PTPRK: variants seen among roughly 807,000 people sequenced by gnomAD.
PTPRK encodes the protein receptor-type tyrosine-protein phosphatase kappa.
PTPRK carries 75 observed loss-of-function variants against 178.0 expected under a neutral mutation model. That is an observed-to-expected ratio of 0.42 (90% CI 0.35 to 0.51). The LOEUF is 0.51. PTPRK is among the 20% of genes least tolerant of loss of function. The probability of loss-of-function intolerance (pLI) is 0.02; values close to 1 mark genes in which losing one functional copy is unlikely to be tolerated. For synonymous variants in PTPRK, 637 were observed against 620.6 expected (o/e 1.03, Z -0.39); for missense variants, 1,441 against 1,797.8 (o/e 0.80, Z 3.59).
chr6:128,409,552 G>A (rs568491222), intron 1 of PTPRK, among the ~76,000 whole-genome samples: 3 of 152,206 alleles, frequency 2.0e-5, no homozygotes, highest in Non-Finnish European at 2.9e-5. Context: ...CTCATAGCCT[G>A]GCATTAGTAA....
chr6:128,225,279 C>T (rs1246743663), intron 5 of PTPRK, among the ~76,000 whole-genome samples: 1 of 152,004 alleles, frequency 6.6e-6, no homozygotes, highest in Non-Finnish European at 1.5e-5. Context: ...ATTCTCTCAT[C>T]TTCTTAAAAT....
intron 3 of PTPRK, among the ~76,000 whole-genome samples, chr6:128,280,202 C>T (rs1270068189): frequency 6.6e-6 from 1 of 152,128 alleles, no homozygotes; most frequent in Non-Finnish European, 1.5e-5. Context: ...CAGGACAGCA[C>T]TCATCAAGCT....
intron 1 of PTPRK, among the ~76,000 whole-genome samples, chr6:128,452,079 A>T (rs1847863642): frequency 6.6e-6 from 1 of 152,194 alleles, no homozygotes; most frequent in African/African-American, 2.4e-5. Context: ...TTCTAGAACT[A>T]TTTGAGGACC....
At chr6:128,341,894 C>T (rs1011168070) in intron 2 of PTPRK, among the ~76,000 whole-genome samples, 1 of 152,090 alleles carries the variant, frequency 6.6e-6, no homozygotes, top group Non-Finnish European at 1.5e-5. Context: ...TTTCTCTTTG[C>T]TATGTGGCCA....
chr6:128,361,268 G>T (rs1035314689), intron 2 of PTPRK, among the ~76,000 whole-genome samples: 14 of 152,052 alleles, frequency 9.2e-5, no homozygotes, highest in African/African-American at 3.1e-4. Flanking sequence ...CTCATTTTCA[G>T]TTTGTGCCCA....
intron 6 of PTPRK, among the ~76,000 whole-genome samples, chr6:128,200,554 T>G (rs1227530691): frequency 2.0e-5 from 3 of 151,748 alleles, no homozygotes. Context: ...GCAAGACTCC[T>G]GACTCTATGA....
intron 1 of PTPRK, among the ~76,000 whole-genome samples, chr6:128,497,666 A>G (rs147357778): frequency 1.8e-3 from 277 of 152,158 alleles, no homozygotes; most frequent in African/African-American, 6.2e-3. Flanking sequence ...TCATTCTTAT[A>G]CCTTCTTTCC....
intron 2 of PTPRK, among the ~76,000 whole-genome samples, chr6:128,382,063 G>T (rs1448222675): frequency 6.9e-6 from 1 of 144,968 alleles, no homozygotes; most frequent in African/African-American, 2.6e-5. Context: ...CACACCTGTA[G>T]TCCCACTTGC....
intron 6 of PTPRK, among the ~76,000 whole-genome samples, chr6:128,214,067 G>A (rs1294312431): frequency 6.6e-6 from 1 of 152,080 alleles, no homozygotes; most frequent in Non-Finnish European, 1.5e-5. Flanking sequence ...TTGATTTTGA[G>A]AAAAGTACTG....
intron 13 of PTPRK, among the ~76,000 whole-genome samples, chr6:128,043,506 A>C (rs1412242523): frequency 7.2e-6 from 1 of 138,568 alleles, no homozygotes; most frequent in Non-Finnish European, 1.6e-5. Context: ...TAATAACTTT[A>C]TAAGTTTAAA....
chr6:128,480,821 T>C (rs1851980416), intron 1 of PTPRK, among the ~76,000 whole-genome samples: 1 of 152,160 alleles, frequency 6.6e-6, no homozygotes, highest in Admixed American at 6.6e-5. Context: ...CAGCCACCCA[T>C]GGCCAAGGCC....
chr6:128,017,491 T>G lies in PTPRK; in HGVS notation c.2195-8223A>C, dbSNP rs9375545. On this transcript the variant is annotated intron_variant, in intron 13 of 29. Coordinates refer to ENST00000368226, the MANE Select transcript of PTPRK (RefSeq NM_002844.4). The stretch of plus-strand genomic sequence containing the variant: ...ATTGATCATGCTTTCATCTCAAAGA[T>G]AATTTACATCTCCTACCAGTAGCTA... Among the ~76,000 whole-genome samples the G allele has an allele frequency of 0.015, 2,349 of 151,726 alleles. 274 individuals carry two copies. The East Asian group carries it at 0.31, about 20-fold the overall frequency.
intron 11 of PTPRK, among the ~76,000 whole-genome samples, chr6:128,073,788 G>C (rs2114967160): frequency 6.6e-6 from 1 of 152,094 alleles, no homozygotes; most frequent in East Asian, 1.9e-4. Context: ...TAAAATTAAA[G>C]TAACATCTAT....
chr6:128,395,729 C>T (rs576281874), intron 2 of PTPRK, among the ~76,000 whole-genome samples: 75 of 152,022 alleles, frequency 4.9e-4, no homozygotes, highest in Non-Finnish European at 8.5e-4. Flanking sequence ...TTAAATGAGT[C>T]TGCTGACAAA....
At chr6:127,974,652 G>A (rs1241875509) in intron 27 of PTPRK, among the ~76,000 whole-genome samples, 2 of 152,084 alleles carry the variant, frequency 1.3e-5, no homozygotes, top group African/African-American at 4.8e-5. Context: ...ATCGCAAAGA[G>A]GTCATCTCTG....
intron 2 of PTPRK, among the ~76,000 whole-genome samples, chr6:128,383,064 T>C (rs1838171914): frequency 6.6e-6 from 1 of 152,202 alleles, no homozygotes; most frequent in African/African-American, 2.4e-5. Flanking sequence ...GACTTCAATT[T>C]TGAGTCAAAG....
Position 128,146,462 on chromosome 6 carries a change from T to G in PTPRK, c.1162+37970A>C, listed in dbSNP as rs540642431. On this transcript the variant is annotated intron_variant, in intron 7 of 29. Coordinates refer to ENST00000368226, the MANE Select transcript of PTPRK (RefSeq NM_002844.4). ...TGTGTGTGTGTGTGTGTGTGTGTTT[T>G]GTGATGGAGTCTCGCTCTGTCACCA... is the stretch of plus-strand genomic sequence containing the variant. 4.0e-5 allele frequency among the ~76,000 whole-genome samples: 6 copies of G among 150,796 alleles called. No homozygotes were observed. In the South Asian group the frequency reaches 1.3e-3, roughly 32 times the overall value.
chr6:128,285,666 A>G (rs1275210921), intron 3 of PTPRK, among the ~76,000 whole-genome samples: 2 of 152,004 alleles, frequency 1.3e-5, no homozygotes, highest in Non-Finnish European at 2.9e-5. Context: ...TTAGCTGAGC[A>G]TGGTGGCGTG....
chr6:128,047,877 A>G (rs1778335643), intron 13 of PTPRK, among the ~76,000 whole-genome samples: 1 of 152,092 alleles, frequency 6.6e-6, no homozygotes, highest in Non-Finnish European at 1.5e-5. Context: ...AAATTAAGGA[A>G]GTCCAGCAAT....
Sources: allele counts gnomAD v4.1 joint callset (sites outside exome capture counted in the v4.1 genomes callset), GRCh38; gene constraint gnomAD v4.1.1; transcripts MANE v1.5; gene names NCBI Gene and HGNC (gene_info 2026-07-23, HGNC 2026-07-21).